The following H2AZ2 variants were observed in gnomAD, a reference collection of about 807,000 sequenced individuals.
H2AZ2 encodes the protein H2A.Z variant histone 2, also known as histone H2A.V.
H2AZ2 carries 5 observed loss-of-function variants against 15.5 expected under a neutral mutation model. The observed-to-expected ratio is 0.32, with a 90% CI of 0.17 to 0.68. The LOEUF is 0.68. Ranked by LOEUF, H2AZ2 falls within the 30% of genes least tolerant of loss-of-function variation. The pLI is 0.72. For missense variants in H2AZ2, 42 were observed against 162.5 expected (o/e 0.26, Z 4.03); for synonymous variants, 44 against 57.4 (o/e 0.77, Z 1.05).
At chr7:44,841,843 T>C (rs1009003804) in intron 2 of H2AZ2, among the ~76,000 whole-genome samples, 3 of 152,188 alleles carry the variant, frequency 2.0e-5, no homozygotes, top group African/African-American at 7.2e-5. Flanking sequence ...TTACTTCCTT[T>C]CCGCTGGTTC....
chr7:44,843,383 GAA>G (rs1359777201), intron 1 of H2AZ2, 29 bp from the exon 2 acceptor site: 2 of 1,434,442 alleles, frequency 1.4e-6, no homozygotes, highest in South Asian at 2.4e-5. Context: ...TTTTTTGAAT[GAA>G]AAGAGTTGAA....
At chr7:44,846,322 G>GA (rs1359204074) in intron 1 of H2AZ2, among the ~76,000 whole-genome samples, 10 of 152,070 alleles carry the variant, frequency 6.6e-5, no homozygotes, top group South Asian at 6.2e-4. Flanking sequence ...AAAAATATCT[G>GA]AAAAACTAGA....
In H2AZ2 at chr7:44,832,652, G is replaced by A. The variant is rs1042345321; in HGVS notation, c.*1849C>T. 2.0e-5 allele frequency among the ~76,000 whole-genome samples: 3 copies of A among 152,148 alleles called. No homozygotes were observed. Among genetic ancestry groups the A allele is most frequent in the African/African-American group, 7.2e-5 (3 of 41,428 alleles). ...TCAATTAACTAGTACATTAACTCAA[G>A]TAACAGTTACTTAGCGCAGGGCATG... On this transcript the variant is annotated 3_prime_UTR_variant, in exon 5 of 5. Coordinates refer to ENST00000308153, the MANE Select transcript of H2AZ2 (RefSeq NM_012412.5).
At chr7:44,834,770 A>G (rs1793076475) in intron 4 of H2AZ2, among the ~76,000 whole-genome samples, 1 of 151,234 alleles carries the variant, frequency 6.6e-6, no homozygotes, top group South Asian at 2.1e-4. Flanking sequence ...ATTTTTTGAG[A>G]AGAGTAACCA....
chr7:44,845,512 C>T (rs559912348), intron 1 of H2AZ2, among the ~76,000 whole-genome samples: 38 of 152,208 alleles, frequency 2.5e-4, no homozygotes, highest in African/African-American at 8.9e-4. Context: ...CACTTAAAAA[C>T]CTCTCAACTG....
chr7:44,835,685 CA>C, intron 3 of H2AZ2, 27 bp from the exon 4 acceptor site: 1 of 1,550,484 alleles, frequency 6.4e-7, no homozygotes, highest in African/African-American at 1.4e-5. Context: ...ATTAGCATAT[CA>C]AATGAAGGAC....
chr7:44,828,225 T>C (rs1047388166), downstream of H2AZ2: 1 of 152,202 alleles, frequency 6.6e-6, no homozygotes, highest in African/African-American at 2.4e-5. Flanking sequence ...CACACATTAC[T>C]TATTATTATT....
chr7:44,846,987 T>C lies in H2AZ2; in HGVS notation c.3+982A>G, dbSNP rs1209949965. On this transcript the variant is annotated intron_variant, in intron 1 of 4. Transcript: ENST00000308153. ...CCAATCTGTTTACAGTTAGGTGTTA[T>C]GTCTATTCAATACCATATCTGTCAC... 2.6e-5 allele frequency among the ~76,000 whole-genome samples: 4 copies of C among 152,210 alleles called. No individual in the cohort carries two copies. The East Asian group carries it at 7.7e-4, about 29-fold the overall frequency.
intron 3 of H2AZ2, among the ~76,000 whole-genome samples, chr7:44,839,846 T>A (rs991085746): frequency 1.6e-4 from 22 of 137,190 alleles, no homozygotes; most frequent in African/African-American, 5.8e-4. Context: ...CCTCTAAAAA[T>A]ACAAAAATTA....
intron 4 of H2AZ2, chr7:44,834,786 T>A: frequency 1.0e-5 from 2 of 193,330 alleles, no homozygotes; most frequent in Non-Finnish European, 2.0e-5. Flanking sequence ...AACCATAGCT[T>A]TTTTTTTTTT....
At chr7:44,840,845 T>C (rs1583717962) in intron 3 of H2AZ2, 54 bp downstream of exon 3, 1 of 1,189,490 alleles carries the variant, frequency 8.4e-7, no homozygotes, top group East Asian at 2.4e-5. Context: ...TTTCTGTCAC[T>C]GAGACTAGTG....
In H2AZ2 at chr7:44,832,559, T is replaced by C. The variant is rs1793017364; in HGVS notation, c.*1942A>G. ...AAAATGAGTTTGGATAGCATTATAC[T>C]ATAAAATATTTTAAAATTTCCTTCT... On this transcript the variant is annotated 3_prime_UTR_variant, in exon 5 of 5. Coordinates refer to ENST00000308153, the MANE Select transcript of H2AZ2 (RefSeq NM_012412.5). 6.6e-6 allele frequency among the ~76,000 whole-genome samples: 1 copy of C among 152,232 alleles called. No homozygotes were observed. Among genetic ancestry groups the C allele is most frequent in the Non-Finnish European group, 1.5e-5 (1 of 68,038 alleles).
intron 3 of H2AZ2, among the ~76,000 whole-genome samples, chr7:44,836,899 G>A (rs1793137342): frequency 6.6e-6 from 1 of 151,886 alleles, no homozygotes; most frequent in Non-Finnish European, 1.5e-5. Flanking sequence ...GGGAGGGTGA[G>A]GCAGGAGAAT....
At chr7:44,839,641 C>CA (rs1793223670) in intron 3 of H2AZ2, among the ~76,000 whole-genome samples, 1 of 150,670 alleles carries the variant, frequency 6.6e-6, no homozygotes, top group Non-Finnish European at 1.5e-5. Flanking sequence ...GAGACTGCAC[C>CA]ACTGCACTCC....
In H2AZ2 at chr7:44,835,269, T is replaced by C. The variant is rs940458749; in HGVS notation, c.325+260A>G. 1.4e-5 allele frequency: 6 copies of C among 417,462 alleles called. No homozygotes were observed. In the Admixed American group the frequency reaches 2.0e-4, roughly 14 times the overall value. 25.9% of individuals were successfully genotyped at this position (417,462 alleles called of 1,614,324 possible). On this transcript the variant is annotated intron_variant, in intron 4 of 4. Transcript: ENST00000308153. ...CACAGTTAAAAAAGTATGGGAAATATGTTAAACATCAGGCTTTAAGTATCA... is the reference window on the plus strand; with the variant it reads ...CACAGTTAAAAAAGTATGGGAAATACGTTAAACATCAGGCTTTAAGTATCA...
intron 3 of H2AZ2, among the ~76,000 whole-genome samples, chr7:44,838,332 A>T (rs1793182821): frequency 6.6e-6 from 1 of 151,912 alleles, no homozygotes; most frequent in African/African-American, 2.4e-5. Flanking sequence ...ATTAAAATTT[A>T]AAAATTTTTA....
rs1188423013 is a variant in H2AZ2 at position 44,837,666 on chromosome 7, AT to A, written c.196-2009del. 5.3e-5 allele frequency among the ~76,000 whole-genome samples: 8 copies of A among 151,496 alleles called. No individual in the cohort carries two copies. The East Asian group carries it at 1.6e-3, about 30-fold the overall frequency. ...CTATCACATCTGGTCAATTTTTTGT[AT>A]TTTTTTGTAGAGACAGGGTTTTGCC... On this transcript the variant is annotated intron_variant, in intron 3 of 4. Transcript: ENST00000308153.
chr7:44,847,771 G>A (rs752577527), intron 1 of H2AZ2, among the ~76,000 whole-genome samples, 198 bp downstream of exon 1: 19 of 152,196 alleles, frequency 1.2e-4, no homozygotes, highest in Non-Finnish European at 2.5e-4. Flanking sequence ...TACCCGGCCA[G>A]GCCCAGCTCT....
At chr7:44,831,606 G>GA (rs2117019231), downstream of H2AZ2, among the ~76,000 whole-genome samples, 1 of 147,674 alleles carries the variant, frequency 6.8e-6, no homozygotes, top group Non-Finnish European at 1.5e-5. Context: ...TCTCAATACA[G>GA]AAACTTCAAA....
Sources: allele counts gnomAD v4.1 joint callset (sites outside exome capture counted in the v4.1 genomes callset), GRCh38; gene constraint gnomAD v4.1.1; transcripts MANE v1.5; gene names NCBI Gene and HGNC (gene_info 2026-07-23, HGNC 2026-07-21).